Variants in DISP1 observed in about 807,000 individuals in gnomAD.
DISP1 encodes dispatched RND transporter family member 1, also known as protein dispatched homolog 1.
DISP1 carries 30 observed loss-of-function variants against 37.3 expected under a neutral mutation model. That is an observed-to-expected ratio of 0.80 (90% CI 0.60 to 1.09). DISP1 has a LOEUF of 1.09. Ranked by LOEUF, DISP1 falls within the 50% of genes least tolerant of loss-of-function variation. The pLI is 0.00. For synonymous variants in DISP1, 634 were observed against 690.2 expected, an observed-to-expected ratio of 0.92 and a Z score of 1.28; for missense variants, 1,598 against 1,879.5, an observed-to-expected ratio of 0.85 and a Z score of 2.77.
At chr1:222,817,576 C>T (rs1390872929) in intron 1 of DISP1, among the ~76,000 whole-genome samples, 1 of 152,160 alleles carries the variant, frequency 6.6e-6, no homozygotes, top group East Asian at 1.9e-4. Context: ...GGATGAGGAG[C>T]TACGAAAGAC....
At chr1:222,991,838 T>C (rs1450605714) in intron 6 of DISP1, among the ~76,000 whole-genome samples, 175 bp from the exon 7 acceptor site, 1 of 152,204 alleles carries the variant, frequency 6.6e-6, no homozygotes, top group Admixed American at 6.5e-5. Flanking sequence ...GATTTTCTTT[T>C]TTTTTTTCTT....
At chr1:222,988,887 A>T (rs1678479961) in intron 4 of DISP1, among the ~76,000 whole-genome samples, 1 of 152,210 alleles carries the variant, frequency 6.6e-6, no homozygotes, top group Non-Finnish European at 1.5e-5. Context: ...TCCTGACCTC[A>T]GGTGATCTGA....
rs139721301 is a variant in DISP1, at chr1:222,904,267, TA to T, written c.-158-24162del. 3.2e-3 allele frequency among the ~76,000 whole-genome samples: 486 copies of T among 152,328 alleles called. 1 individual carries two copies. Among genetic ancestry groups the T allele is most frequent in the South Asian group, 8.3e-3 (40 of 4,828 alleles). ...CAAGATTGTCTGAATTACTTATTAGTAGAAAATATATTTGTGTGAGCTTCCT... is the reference window on the plus strand; with the variant it reads ...CAAGATTGTCTGAATTACTTATTAGTGAAAATATATTTGTGTGAGCTTCCT... On this transcript the variant is annotated intron_variant, in intron 1 of 8. Coordinates refer to ENST00000675850, the MANE Select transcript of DISP1 (RefSeq NM_001377229.1).
chr1:222,837,386 C>A, intron 1 of DISP1: 1 of 262,126 alleles, frequency 3.8e-6, no homozygotes, highest in Non-Finnish European at 7.1e-6. Flanking sequence ...CTTCTTTAAG[C>A]CCTTGTTTTT....
intron 1 of DISP1, among the ~76,000 whole-genome samples, chr1:222,824,752 A>G (rs1663877026): frequency 6.6e-6 from 1 of 151,936 alleles, no homozygotes; most frequent in Non-Finnish European, 1.5e-5. Context: ...GTGGGGGGCT[A>G]TTCACATAAA....
chr1:222,889,457 A>G (rs936805020), intron 1 of DISP1, among the ~76,000 whole-genome samples: 6 of 152,132 alleles, frequency 3.9e-5, no homozygotes, highest in African/African-American at 1.2e-4. Flanking sequence ...GAGAGAATGC[A>G]AACAGTAGCA....
At chr1:222,953,067 A>G (rs1001042493) in intron 3 of DISP1, among the ~76,000 whole-genome samples, 3 of 152,340 alleles carry the variant, frequency 2.0e-5, no homozygotes, top group East Asian at 1.9e-4. Context: ...TATAAATGTA[A>G]AAATGCAGTT....
In DISP1 at chr1:222,992,101, G is replaced by A. The variant is rs758918841; in HGVS notation, c.880G>A (p.Asp294Asn). 5 of 1,612,828 alleles carry A rather than the reference G, an allele frequency of 3.1e-6. No homozygotes were observed. Among genetic ancestry groups the A allele is most frequent in the Non-Finnish European group, 4.2e-6 (5 of 1,178,898 alleles). Residue 294 changes from aspartate to asparagine, a missense_variant, in exon 7 of 9, where the codon GAC becomes AAC. Transcript: ENST00000675850. ...CTTCCACAAGGACAGCTTTTTCTGC[G>A]ACGTTCCAAGTGAGTGACATTGTAG... ...WNFHKDSFFC[D>N]VPSDRYSRVV...
chr1:222,932,627 A>C (rs1295524148), intron 2 of DISP1, among the ~76,000 whole-genome samples: 2 of 152,016 alleles, frequency 1.3e-5, no homozygotes, highest in Non-Finnish European at 2.9e-5. Context: ...AAAAGAAATT[A>C]GTGCAGCTTA....
Position 222,873,778 on chromosome 1 carries a change from A to AT in DISP1, c.-158-54652_-158-54651insT, listed in dbSNP as rs529554430. Among the ~76,000 whole-genome samples, 451 of 152,120 alleles carry AT rather than the reference A, an allele frequency of 3.0e-3. 3 individuals carry two copies. The highest frequency in any genetic ancestry group is 0.011 in the African/African-American group (438 of 41,508). ...GGAGCATTTAGCCCATTTACTTCTA[A>AT]GGTTAGTATTGTTATATGTGAATTT... On this transcript the variant is annotated intron_variant, in intron 1 of 8. Transcript: ENST00000675850.
chr1:222,969,096 C>A (rs1676723522), intron 3 of DISP1, among the ~76,000 whole-genome samples: 1 of 151,858 alleles, frequency 6.6e-6, no homozygotes, highest in Non-Finnish European at 1.5e-5. Context: ...AAATGCTGGG[C>A]ACGGTGGCTC....
rs180841108 is a variant in DISP1 at position 222,915,963 on chromosome 1, A to C, written c.-158-12467A>C. 9.2e-5 allele frequency among the ~76,000 whole-genome samples: 14 copies of C among 152,340 alleles called. No homozygotes were observed. In the East Asian group the frequency reaches 2.7e-3, roughly 29 times the overall value. ...CTTTGCAAATTCAGTGCCTGAACCA[A>C]TACTTATAACCTATTTGTCATGGCA... On this transcript the variant is annotated intron_variant, in intron 1 of 8. Coordinates refer to ENST00000675850, the MANE Select transcript of DISP1 (RefSeq NM_001377229.1).
At chr1:222,887,223 G>A (rs998343470) in intron 1 of DISP1, among the ~76,000 whole-genome samples, 6 of 152,164 alleles carry the variant, frequency 3.9e-5, no homozygotes, top group African/African-American at 1.4e-4. Flanking sequence ...ACTTTAAAAT[G>A]TTGCTTGTTA....
In DISP1 at chr1:222,921,233, C is replaced by G. The variant is rs545277224; in HGVS notation, c.-158-7197C>G. 3.9e-5 allele frequency among the ~76,000 whole-genome samples: 6 copies of G among 152,236 alleles called. No individual in the cohort carries two copies. The East Asian group carries it at 1.2e-3, about 29-fold the overall frequency. ...CTGAGGCACGAGAATCACTTGAGCCCTGGAGGTGGAGGTTGCAGTGAGCTG... is the reference window on the plus strand; with the variant it reads ...CTGAGGCACGAGAATCACTTGAGCCGTGGAGGTGGAGGTTGCAGTGAGCTG... On this transcript the variant is annotated intron_variant, in intron 1 of 8. Transcript: ENST00000675850.
intron 3 of DISP1, among the ~76,000 whole-genome samples, chr1:222,975,416 G>A (rs1461766137): frequency 6.6e-6 from 1 of 152,076 alleles, no homozygotes; most frequent in African/African-American, 2.4e-5. Context: ...TTGTATTTCA[G>A]TATTCTTATT....
At chr1:222,920,320 C>T (rs779249484) in intron 1 of DISP1, among the ~76,000 whole-genome samples, 3 of 152,144 alleles carry the variant, frequency 2.0e-5, no homozygotes, top group Non-Finnish European at 4.4e-5. Flanking sequence ...TAAAATATTA[C>T]ATTTTGAAAT....
At chr1:222,882,825 G>C (rs1670351988) in intron 1 of DISP1, among the ~76,000 whole-genome samples, 1 of 152,090 alleles carries the variant, frequency 6.6e-6, no homozygotes, top group Non-Finnish European at 1.5e-5. Flanking sequence ...AATATCTGCA[G>C]AGTGTATTTG....
intron 2 of DISP1, among the ~76,000 whole-genome samples, chr1:222,941,110 C>T (rs1674349827): frequency 6.6e-6 from 1 of 152,128 alleles, no homozygotes; most frequent in Admixed American, 6.5e-5. Flanking sequence ...GCTGAGATGG[C>T]ACATTTAGAA....
intron 2 of DISP1, among the ~76,000 whole-genome samples, chr1:222,940,754 C>A (rs1349996244): frequency 2.0e-5 from 3 of 152,108 alleles, no homozygotes; most frequent in Non-Finnish European, 4.4e-5. Flanking sequence ...CCCATTTAGC[C>A]CAGCAGATTC....
Sources: gnomAD v4.1 joint callset for allele counts (sites outside exome capture counted in the v4.1 genomes callset) on GRCh38, gnomAD v4.1.1 for gene constraint, MANE v1.5 for transcripts, NCBI Gene and HGNC (gene_info 2026-07-23, HGNC 2026-07-21) for gene names.